Variants in IL1RAPL2 observed in about 807,000 individuals in gnomAD.
The protein encoded by IL1RAPL2 is X-linked interleukin-1 receptor accessory protein-like 2.
Under a neutral mutation model 44.1 loss-of-function variants are expected in IL1RAPL2, and 3 were observed. That is an observed-to-expected ratio of 0.07 (90% CI 0.03 to 0.18). IL1RAPL2 has a LOEUF of 0.18. Ranked by LOEUF, IL1RAPL2 falls within the 10% of genes least tolerant of loss-of-function variation. The pLI is 1.00. For missense variants in IL1RAPL2, 391 were observed against 496.4 expected (o/e 0.79, Z 2.02); for synonymous variants, 181 against 178.8 (o/e 1.01, Z -0.10).
At chrX:104,995,163 A>T (rs2030726350) in intron 2 of IL1RAPL2, among the ~76,000 whole-genome samples, 1 of 111,101 alleles carries the variant, frequency 9.0e-6, no homozygotes, top group South Asian at 3.8e-4. Flanking sequence ...TATGCTACAC[A>T]GTTATTTGCT....
chrX:104,683,140 C>T (rs1312137559), intron 2 of IL1RAPL2, among the ~76,000 whole-genome samples: 1 of 111,532 alleles, frequency 9.0e-6, no homozygotes, highest in Non-Finnish European at 1.9e-5. Flanking sequence ...TTGCTGTATA[C>T]TGCCCTACTG....
At chrX:104,726,510 T>C (rs770205731) in intron 2 of IL1RAPL2, among the ~76,000 whole-genome samples, 1 of 111,775 alleles carries the variant, frequency 8.9e-6, no homozygotes, top group Non-Finnish European at 1.9e-5. Context: ...TTCCTATCCA[T>C]GGGCATGGAA....
intron 2 of IL1RAPL2, among the ~76,000 whole-genome samples, chrX:104,767,760 A>C (rs913744380): frequency 3.6e-5 from 4 of 111,943 alleles, no homozygotes; most frequent in Non-Finnish European, 7.5e-5. Flanking sequence ...GTCCCTGCTC[A>C]CAGGTGTGAA....
chrX:105,074,428 T>C (rs1465063083), intron 2 of IL1RAPL2, among the ~76,000 whole-genome samples: 1 of 111,886 alleles, frequency 8.9e-6, no homozygotes, highest in African/African-American at 3.3e-5. Context: ...AGTACCATGC[T>C]GTTTTGGTTA....
chrX:104,764,762 G>A (rs1437120024), intron 2 of IL1RAPL2, among the ~76,000 whole-genome samples: 1 of 111,994 alleles, frequency 8.9e-6, no homozygotes, highest in East Asian at 2.8e-4. Context: ...TTTTTATCAT[G>A]AAGCAATGTT....
intron 5 of IL1RAPL2, among the ~76,000 whole-genome samples, chrX:105,475,351 T>C (rs1389446004): frequency 9.0e-6 from 1 of 110,594 alleles, no homozygotes; most frequent in Non-Finnish European, 1.9e-5. Context: ...TCCTTGGGTA[T>C]CATATTATAT....
At chrX:104,567,674 A>G (rs1439083132) in intron 1 of IL1RAPL2, among the ~76,000 whole-genome samples, 4 of 111,782 alleles carry the variant, frequency 3.6e-5, no homozygotes, top group Non-Finnish European at 7.5e-5. Flanking sequence ...TGGGTTTCCC[A>G]GGTCCCCACT....
intron 2 of IL1RAPL2, among the ~76,000 whole-genome samples, chrX:104,928,397 T>C (rs963368279): frequency 9.0e-6 from 1 of 111,391 alleles, no homozygotes; most frequent in South Asian, 3.8e-4. Context: ...GCATTGAGAA[T>C]GTGTTAGAAC....
At chrX:105,600,035 C>T (rs1602484107) in intron 6 of IL1RAPL2, among the ~76,000 whole-genome samples, 1 of 111,218 alleles carries the variant, frequency 9.0e-6, no homozygotes, top group African/African-American at 3.3e-5. Flanking sequence ...GTATAGAATA[C>T]ATATGATAGT....
At chrX:105,428,029 A>G (rs1355759040) in intron 5 of IL1RAPL2, among the ~76,000 whole-genome samples, 1 of 112,177 alleles carries the variant, frequency 8.9e-6, no homozygotes, top group African/African-American at 3.2e-5. Flanking sequence ...GAAATTGTGA[A>G]TAAAATATAT....
intron 2 of IL1RAPL2, among the ~76,000 whole-genome samples, chrX:104,996,578 C>A (rs190077895): frequency 1.8e-5 from 2 of 112,147 alleles, no homozygotes; most frequent in East Asian, 5.7e-4. Context: ...AGCCCATTGG[C>A]TCTTTTTCTT....
chrX:104,612,344 A>C (rs1024605590), intron 1 of IL1RAPL2, among the ~76,000 whole-genome samples: 2 of 111,557 alleles, frequency 1.8e-5, no homozygotes, highest in African/African-American at 6.5e-5. Context: ...CTTTAATCTA[A>C]AGTTAATTTT....
intron 2 of IL1RAPL2, among the ~76,000 whole-genome samples, chrX:104,967,959 T>C (rs2030158995): frequency 9.0e-6 from 1 of 110,685 alleles, no homozygotes; most frequent in African/African-American, 3.3e-5. Flanking sequence ...ACAGGAAAAT[T>C]CAACTAAACA....
At chrX:104,846,535 T>C (rs962711065) in intron 2 of IL1RAPL2, among the ~76,000 whole-genome samples, 1 of 111,832 alleles carries the variant, frequency 8.9e-6, no homozygotes, top group African/African-American at 3.3e-5. Context: ...CTCATCCTTT[T>C]TTATGGCTGC....
intron 6 of IL1RAPL2, among the ~76,000 whole-genome samples, chrX:105,530,480 C>T (rs2036625638): frequency 9.1e-6 from 1 of 110,101 alleles, no homozygotes; most frequent in East Asian, 2.9e-4. Context: ...TAGGTGTATA[C>T]ATCTATGGGG....
At chrX:104,725,389 G>A (rs1347684706) in intron 2 of IL1RAPL2, among the ~76,000 whole-genome samples, 5 of 111,454 alleles carry the variant, frequency 4.5e-5, no homozygotes. Flanking sequence ...AATCCTTTGG[G>A]TATATACTCA....
At chrX:105,428,712 C>A (rs190637364) in intron 5 of IL1RAPL2, among the ~76,000 whole-genome samples, 24 of 111,955 alleles carry the variant, frequency 2.1e-4, no homozygotes, top group African/African-American at 7.4e-4. Context: ...GTTTGCTGAT[C>A]TGGATGCTTT....
At chrX:105,196,150 C>G (rs1211670268) in intron 3 of IL1RAPL2, among the ~76,000 whole-genome samples, 1 of 110,284 alleles carries the variant, frequency 9.1e-6, no homozygotes, top group African/African-American at 3.3e-5. Context: ...GGCATGGTGG[C>G]AGGTGCCTGT....
chrX:105,698,896 A>G (rs761428623), intron 6 of IL1RAPL2, among the ~76,000 whole-genome samples: 1 of 111,937 alleles, frequency 8.9e-6, no homozygotes, highest in South Asian at 3.7e-4. Flanking sequence ...ACAAATCTCA[A>G]TCAACCATGC....
Sources: gnomAD v4.1 joint callset for allele counts (sites outside exome capture counted in the v4.1 genomes callset) on GRCh38, gnomAD v4.1.1 for gene constraint, MANE v1.5 for transcripts, NCBI Gene and HGNC (gene_info 2026-07-23, HGNC 2026-07-21) for gene names.